Variants in CIMAP2 observed in about 807,000 individuals in gnomAD.
CIMAP2 encodes the protein ciliary microtubule associated protein 2, also known as ciliary microtubule-associated protein 2.
the CIMAP2 span, chr1:54,806,899 C>T: frequency 8.8e-7 from 1 of 1,136,190 alleles, no homozygotes; most frequent in Non-Finnish European, 1.3e-6. Flanking sequence ...TCCAAAGTCA[C>T]CTTCCCGGGC....
the CIMAP2 span, chr1:54,807,050 G>A: frequency 6.2e-7 from 1 of 1,614,140 alleles, no homozygotes; most frequent in Non-Finnish European, 8.5e-7. Flanking sequence ...CCTTCACTGA[G>A]GCCCCATACT....
At chr1:54,832,174 A>G in the CIMAP2 span, among the ~76,000 whole-genome samples, 3 of 152,214 alleles carry the variant, frequency 2.0e-5, no homozygotes, top group African/African-American at 7.2e-5. Flanking sequence ...ACCCAAAATA[A>G]CAGTAACAAA....
chr1:54,811,765 G>GCGGGGGGGGGGGGGGCCCCCCC, the CIMAP2 span: 1 of 1,301,326 alleles, frequency 7.7e-7, no homozygotes, highest in Non-Finnish European at 1.1e-6. Context: ...GGTTCTGACA[G>GCGGGGGGGGGGGGGGCCCCCCC]CCTCCATGCC....
the CIMAP2 span, among the ~76,000 whole-genome samples, chr1:54,824,680 G>A: frequency 6.6e-6 from 1 of 151,624 alleles, no homozygotes; most frequent in Non-Finnish European, 1.5e-5. Context: ...GTTCTTGATT[G>A]TATTTTTAAT....
the CIMAP2 span, among the ~76,000 whole-genome samples, chr1:54,827,578 TG>T: frequency 1.3e-5 from 2 of 152,202 alleles, no homozygotes. Context: ...CTTAGCTGCG[TG>T]ACCTGGGGCA....
the CIMAP2 span, chr1:54,817,190 G>GTGGTTCCCCATGTT: frequency 6.3e-7 from 1 of 1,587,336 alleles, no homozygotes; most frequent in East Asian, 2.2e-5. Context: ...GGGTGGGCTG[G>GTGGTTCCCCATGTT]TGGTTCCCCA....
chr1:54,807,122 C>T, the CIMAP2 span: 5 of 1,562,420 alleles, frequency 3.2e-6, no homozygotes, highest in Non-Finnish European at 4.4e-6. Context: ...CCCACAGGGT[C>T]TGGCCACTGC....
At chr1:54,813,735 T>C in the CIMAP2 span, 27 of 1,457,416 alleles carry the variant, frequency 1.9e-5, no homozygotes, top group Admixed American at 4.9e-4. Context: ...ATTGCTTTTC[T>C]CTGGTTGCGG....
the CIMAP2 span, chr1:54,806,082 G>A: frequency 6.7e-7 from 1 of 1,493,102 alleles, no homozygotes; most frequent in Non-Finnish European, 8.9e-7. Flanking sequence ...GGGTTGCCGT[G>A]GCAGCAGCGG....
the CIMAP2 span, chr1:54,806,308 G>A: frequency 5.4e-6 from 7 of 1,299,594 alleles, no homozygotes; most frequent in Non-Finnish European, 7.2e-6. Flanking sequence ...CGGGAGAGAG[G>A]GTGTCCACCT....
chr1:54,822,868 A>G, the CIMAP2 span, among the ~76,000 whole-genome samples: 1 of 152,146 alleles, frequency 6.6e-6, no homozygotes, highest in Non-Finnish European at 1.5e-5. Flanking sequence ...ATTCCCATTT[A>G]TTCGTACAAT....
chr1:54,814,299 C>T, the CIMAP2 span, among the ~76,000 whole-genome samples: 1 of 152,330 alleles, frequency 6.6e-6, no homozygotes, highest in Admixed American at 6.5e-5. Flanking sequence ...CCTCTGGCCT[C>T]AGAGCGTTGG....
At chr1:54,837,720 C>T in the CIMAP2 span, among the ~76,000 whole-genome samples, 3 of 152,092 alleles carry the variant, frequency 2.0e-5, no homozygotes, top group African/African-American at 7.3e-5. Flanking sequence ...GAAAATGCCA[C>T]CCCCAATTTA....
the CIMAP2 span, chr1:54,841,977 G>C: frequency 1.7e-6 from 2 of 1,181,336 alleles, no homozygotes; most frequent in East Asian, 5.1e-5. Context: ...CTTAGAGAAA[G>C]GACACATGGG....
the CIMAP2 span, chr1:54,813,792 CCTTTTTCTCT>C: frequency 2.5e-6 from 4 of 1,582,216 alleles, no homozygotes; most frequent in Non-Finnish European, 2.6e-6. Flanking sequence ...ATAGCAGATT[CCTTTTTCTCT>C]CTTTTTCTTA....
chr1:54,811,773 G>GGGGGGGGGGGCCCCCCCCCCCCC, the CIMAP2 span: 1 of 1,325,052 alleles, frequency 7.5e-7, no homozygotes, highest in Non-Finnish European at 1.0e-6. Context: ...CAGCCTCCAT[G>GGGGGGGGGGGCCCCCCCCCCCCC]CCCCCACCCC....
At chr1:54,810,002 C>T in the CIMAP2 span, among the ~76,000 whole-genome samples, 8 of 152,110 alleles carry the variant, frequency 5.3e-5, no homozygotes, top group Non-Finnish European at 2.9e-5. Flanking sequence ...TAGTTAAAAC[C>T]GTAGGCTTTC....
chr1:54,836,578 T>G, the CIMAP2 span, among the ~76,000 whole-genome samples: 6 of 148,540 alleles, frequency 4.0e-5, no homozygotes, highest in South Asian at 6.4e-4. Context: ...TAGTGGACAT[T>G]TGCTAGGGGT....
At chr1:54,816,212 C>T in the CIMAP2 span, among the ~76,000 whole-genome samples, 1 of 152,232 alleles carries the variant, frequency 6.6e-6, no homozygotes, top group Non-Finnish European at 1.5e-5. Context: ...GCTGGCACCT[C>T]CAAAACCTGG....
Sources: allele counts gnomAD v4.1 joint callset (sites outside exome capture counted in the v4.1 genomes callset), GRCh38; gene constraint gnomAD v4.1.1; transcripts MANE v1.5; gene names NCBI Gene and HGNC (gene_info 2026-07-23, HGNC 2026-07-21).